The following DUSP22 variants were observed in gnomAD, a reference collection of about 807,000 sequenced individuals.
The protein encoded by DUSP22 is dual specificity protein phosphatase 22.
Under a neutral mutation model 24.5 loss-of-function variants are expected in DUSP22, and 24 were observed. That is an observed-to-expected ratio of 0.98 (90% CI 0.71 to 1.38). DUSP22 has a LOEUF of 1.38. Among genes scored for constraint, DUSP22 ranks in the 40% most tolerant of loss-of-function variants. DUSP22 has a pLI of 0.00. For synonymous variants in DUSP22, 160 were observed against 106.4 expected (o/e 1.50, Z -3.10); for missense variants, 330 against 269.2 (o/e 1.23, Z -1.58).
chr6:349,002 G>T lies in DUSP22; in HGVS notation c.*51G>T. ...CCACTGCTTGTCTTCAGTGTGCCCG[G>T]CTGGGCAGGGGTGCGGTGGTGGTGG... On this transcript the variant is annotated 3_prime_UTR_variant, in exon 7 of 7. Transcript: ENST00000419235. 1 of 1,548,174 alleles carries T rather than the reference G, an allele frequency of 6.5e-7. No homozygotes were observed. Among genetic ancestry groups the T allele is most frequent in the South Asian group, 1.2e-5 (1 of 84,024 alleles).
intron 3 of DUSP22, among the ~76,000 whole-genome samples, chr6:327,622 AGGGCCATGCGCCT>A (rs1444953953): frequency 6.6e-6 from 1 of 152,304 alleles, no homozygotes. Context: ...CCTCTGTGCC[AGGGCCATGCGCCT>A]GTGTGCTGCT....
At chr6:302,341 G>T (rs1757619075) in intron 1 of DUSP22, among the ~76,000 whole-genome samples, 1 of 152,306 alleles carries the variant, frequency 6.6e-6, no homozygotes, top group African/African-American at 2.4e-5. Flanking sequence ...CACAGTGTCT[G>T]CTGTGCAGGA....
In DUSP22 at chr6:348,790, G is replaced by T. The variant is rs1431625851; in HGVS notation, c.457G>T (p.Glu153Ter). The change falls in exon 7 of 7, where the codon GAA (glutamate) becomes TAA (stop). Residue 153 changes from glutamate (E) to a stop codon, truncating the protein, a stop_gained. Transcript: ENST00000419235. LOFTEE classifies it high-confidence loss of function. ...CCAGTATCGGCAGTGGCTGAAGGAAGAATATGGAGAGAGCCCTTTGCAGGA... is the reference window on the plus strand; with the variant it reads ...CCAGTATCGGCAGTGGCTGAAGGAATAATATGGAGAGAGCCCTTTGCAGGA... ...VHQYRQWLKE[E>*]YGESPLQDAE... The T allele has an allele frequency of 1.9e-6, 3 of 1,614,298 alleles. No homozygotes were observed. The highest frequency in any genetic ancestry group is 1.6e-4 in the Middle Eastern group (1 of 6,062).
Position 348,222 on chromosome 6 carries a change from A to T in DUSP22, c.383A>T (p.Asn128Ile). 1 of 1,614,312 alleles carries T rather than the reference A, an allele frequency of 6.2e-7. No homozygotes were observed. Among genetic ancestry groups the T allele is most frequent in the Non-Finnish European group, 8.5e-7 (1 of 1,180,062 alleles). Reference protein sequence around the residue: ...VRAGRSCANPNVGFQRQLQEF... With the variant: ...VRAGRSCANPIVGFQRQLQEF... ...GCTGGGAGATCCTGTGCCAACCCCA[A>T]CGTGGGCTTCCAGAGACAGCTCCAG... Residue 128 changes from asparagine (N) to isoleucine (I), a missense_variant, in exon 6 of 7, where the codon AAC becomes ATC. By Grantham distance (149) the Asn-to-Ile change is moderately radical. Transcript: ENST00000419235.
At chr6:315,214 G>A (rs1392788682) in intron 3 of DUSP22, among the ~76,000 whole-genome samples, 1 of 152,304 alleles carries the variant, frequency 6.6e-6, no homozygotes, top group Non-Finnish European at 1.5e-5. Context: ...TAGAAACCTG[G>A]GGACCTTCAA....
intron 1 of DUSP22, among the ~76,000 whole-genome samples, chr6:298,948 G>T (rs958330342): frequency 2.0e-5 from 3 of 152,310 alleles, no homozygotes; most frequent in Non-Finnish European, 4.4e-5. Context: ...AAAACAAGGC[G>T]ATATGAGAGA....
rs755101962 is a variant in DUSP22 at position 348,083 on chromosome 6, T to A, written c.264-20T>A. 1 of 1,613,624 alleles carries A rather than the reference T, an allele frequency of 6.2e-7. No homozygotes were observed. Among genetic ancestry groups the A allele is most frequent in the East Asian group, 2.2e-5 (1 of 44,874 alleles). The stretch of plus-strand genomic sequence containing the variant: ...AGATCTGAAACTGCCCTCACACATG[T>A]GCTTCTCTTGGCCCCGCAGCCTGGC... On this transcript the variant is annotated intron_variant, in intron 5 of 6. Coordinates refer to ENST00000419235, the MANE Select transcript of DUSP22 (RefSeq NM_001286555.3).
intron 2 of DUSP22, among the ~76,000 whole-genome samples, chr6:310,839 T>A (rs984534668): frequency 6.6e-6 from 1 of 152,310 alleles, no homozygotes; most frequent in South Asian, 2.1e-4. Context: ...AAATTTACCT[T>A]CTTGATGATG....
intron 3 of DUSP22, among the ~76,000 whole-genome samples, chr6:324,640 G>A (rs1758767152): frequency 6.6e-6 from 1 of 152,308 alleles, no homozygotes; most frequent in South Asian, 2.1e-4. Context: ...GAACTGGCCA[G>A]CCCTGGAGGG....
At chr6:305,299 C>G (rs1236697999) in intron 2 of DUSP22, among the ~76,000 whole-genome samples, 8 of 152,308 alleles carry the variant, frequency 5.3e-5, no homozygotes, top group African/African-American at 1.9e-4. Flanking sequence ...GAGGCTGTGC[C>G]CGCTCCAGCT....
chr6:293,640 A>G (rs548514330), intron 1 of DUSP22, among the ~76,000 whole-genome samples: 373 of 152,270 alleles, frequency 2.4e-3, no homozygotes, highest in African/African-American at 8.6e-3. Flanking sequence ...AGTGTTGCAA[A>G]TGCGGATTCA....
chr6:299,866 C>T (rs1191822083), intron 1 of DUSP22, among the ~76,000 whole-genome samples: 1 of 152,304 alleles, frequency 6.6e-6, no homozygotes. Context: ...AGCGTTCCCT[C>T]TCCCTGGCAC....
At chr6:326,921 C>G (rs1302804151) in intron 3 of DUSP22, among the ~76,000 whole-genome samples, 1 of 152,306 alleles carries the variant, frequency 6.6e-6, no homozygotes, top group Non-Finnish European at 1.5e-5. Flanking sequence ...CTGTCACCAT[C>G]AGAATGACTT....
In DUSP22 at chr6:349,316, GTGTC is replaced by G. The variant is rs1432662225; in HGVS notation, c.*369_*372del. The stretch of plus-strand genomic sequence containing the variant: ...GTGTACATGTGTGTATGTTGTGAAA[GTGTC>G]TGTGCACATGAATGTTTGTGTGTGT... On this transcript the variant is annotated 3_prime_UTR_variant, in exon 7 of 7. Coordinates refer to ENST00000419235, the MANE Select transcript of DUSP22 (RefSeq NM_001286555.3). 51 of 1,164,718 alleles carry G rather than the reference GTGTC, an allele frequency of 4.4e-5. No individual in the cohort carries two copies. Among genetic ancestry groups the G allele is most frequent in the African/African-American group, 9.4e-5 (6 of 63,900 alleles). 72.1% of individuals were successfully genotyped at this position (1,164,718 alleles called of 1,614,324 possible). A position where few individuals can be genotyped will look rare whatever the true frequency, so the allele number is the denominator to read the frequency against.
intron 4 of DUSP22, chr6:338,170 C>G (rs1305212326): frequency 6.6e-6 from 1 of 152,360 alleles, no homozygotes; most frequent in African/African-American, 2.4e-5. Flanking sequence ...TTAGTAACAG[C>G]AAATCTTGTG....
intron 1 of DUSP22, among the ~76,000 whole-genome samples, 159 bp from the exon 2 acceptor site, chr6:304,469 C>T (rs1214608493): frequency 3.3e-5 from 5 of 152,298 alleles, no homozygotes; most frequent in South Asian, 2.1e-4. Flanking sequence ...TTCCACAGGC[C>T]GCTGGGGATG....
At chr6:335,284 C>T in intron 4 of DUSP22, 121 bp downstream of exon 4, 1 of 1,303,006 alleles carries the variant, frequency 7.7e-7, no homozygotes, top group Non-Finnish European at 1.1e-6. Flanking sequence ...CTGACCCTGC[C>T]AGGGAAGAGG....
chr6:328,149 T>A (rs1758970823), intron 3 of DUSP22, among the ~76,000 whole-genome samples: 1 of 152,306 alleles, frequency 6.6e-6, no homozygotes, highest in Non-Finnish European at 1.5e-5. Flanking sequence ...TTGAGATGGG[T>A]TGTTCAGGCT....
At chr6:312,530 A>G (rs912174867) in intron 3 of DUSP22, among the ~76,000 whole-genome samples, 5 of 152,270 alleles carry the variant, frequency 3.3e-5, no homozygotes, top group African/African-American at 1.2e-4. Context: ...AATTTACCCT[A>G]ATGGACGGTT....
Sources: gnomAD v4.1 joint callset for allele counts (sites outside exome capture counted in the v4.1 genomes callset) on GRCh38, gnomAD v4.1.1 for gene constraint, MANE v1.5 for transcripts, NCBI Gene and HGNC (gene_info 2026-07-23, HGNC 2026-07-21) for gene names.